The following SPON1 variants were observed in gnomAD, a reference collection of about 807,000 sequenced individuals.
The protein encoded by SPON1 is spondin-1.
A neutral mutation model predicts 111.7 loss-of-function variants in SPON1; 52 were observed. The ratio of observed to expected loss-of-function variants is 0.47; its 90% CI spans 0.37 to 0.59. The LOEUF (loss-of-function observed/expected upper bound fraction) is 0.59. SPON1 is among the 20% of genes least tolerant of loss of function. The pLI, the probability that SPON1 is intolerant of heterozygous loss-of-function variation, is 0.00. For synonymous variants in SPON1, 410 were observed against 395.8 expected (o/e 1.04, Z -0.43); for missense variants, 957 against 1,068.5 (o/e 0.90, Z 1.46).
At chr11:14,044,319 C>T (rs1453625678) in intron 3 of SPON1, among the ~76,000 whole-genome samples, 1 of 152,050 alleles carries the variant, frequency 6.6e-6, no homozygotes, top group Non-Finnish European at 1.5e-5. Context: ...GTTAAAGATC[C>T]ATGACATCTT....
In SPON1 at chr11:14,262,868, GA is replaced by G; in HGVS notation, c.2157del (p.Lys719AsnfsTer25). ...GTGCAGCGAAAAAAGTGCCGCATCC[GA>G]AAATGCCTTCGAAATCCATCCATCC... ...ETVQRKKCRI[R>X]KCLRNPSIQK... On this transcript the variant is annotated frameshift_variant, in exon 15 of 16. Transcript: ENST00000576479. LOFTEE classifies it high-confidence loss of function. 1 of 1,613,844 alleles carries G rather than the reference GA, an allele frequency of 6.2e-7. No homozygotes were observed.
At chr11:14,162,076 T>G (rs1554931417) in intron 6 of SPON1, among the ~76,000 whole-genome samples, 1 of 150,476 alleles carries the variant, frequency 6.6e-6, no homozygotes, top group Non-Finnish European at 1.5e-5. Flanking sequence ...GAGAATCACT[T>G]GAACCCGGGA....
At chr11:14,182,562 CT>C (rs1460706028) in intron 6 of SPON1, among the ~76,000 whole-genome samples, 1 of 152,182 alleles carries the variant, frequency 6.6e-6, no homozygotes, top group Non-Finnish European at 1.5e-5. Flanking sequence ...AGAGACCTCC[CT>C]TTTCTGAACT....
chr11:14,007,437 G>C (rs1488429780), intron 2 of SPON1, among the ~76,000 whole-genome samples: 1 of 152,168 alleles, frequency 6.6e-6, no homozygotes, highest in Non-Finnish European at 1.5e-5. Flanking sequence ...GAAAGATGTA[G>C]TCTGGGAGGC....
intron 2 of SPON1, among the ~76,000 whole-genome samples, chr11:14,011,177 A>C (rs1848401990): frequency 6.6e-6 from 1 of 152,162 alleles, no homozygotes; most frequent in Non-Finnish European, 1.5e-5. Context: ...TGTGGGTTTG[A>C]ATTCAGCTAC....
At chr11:14,127,215 A>T (rs887095457) in intron 5 of SPON1, among the ~76,000 whole-genome samples, 1 of 151,952 alleles carries the variant, frequency 6.6e-6, no homozygotes, top group South Asian at 2.1e-4. Context: ...TTACAGATGA[A>T]GAAACTGAGA....
chr11:14,157,628 C>T (rs527976812), intron 6 of SPON1, among the ~76,000 whole-genome samples: 10 of 152,152 alleles, frequency 6.6e-5, no homozygotes, highest in Admixed American at 6.6e-4. Flanking sequence ...GGTTCTATCC[C>T]AATATTCTTT....
At chr11:14,014,252 A>T (rs1490457802) in intron 2 of SPON1, among the ~76,000 whole-genome samples, 4 of 152,174 alleles carry the variant, frequency 2.6e-5, no homozygotes. Context: ...GGTAGCAGGC[A>T]TGGAAGGCCA....
chr11:14,163,707 C>T (rs184896880), intron 6 of SPON1, among the ~76,000 whole-genome samples: 109 of 152,260 alleles, frequency 7.2e-4, no homozygotes, highest in Non-Finnish European at 1.3e-3. Flanking sequence ...ACAAAGGCTT[C>T]AGAAACTTAC....
intron 5 of SPON1, among the ~76,000 whole-genome samples, chr11:14,090,206 A>G (rs1849038903): frequency 1.3e-5 from 2 of 151,730 alleles, no homozygotes; most frequent in Non-Finnish European, 2.9e-5. Context: ...TATGAAAAAA[A>G]AAAAAAAAAA....
At chr11:14,014,249 G>T (rs1215546959) in intron 2 of SPON1, among the ~76,000 whole-genome samples, 2 of 152,146 alleles carry the variant, frequency 1.3e-5, no homozygotes, top group Admixed American at 1.3e-4. Flanking sequence ...GATGGTAGCA[G>T]GCATGGAAGG....
chr11:14,240,692 T>C (rs1199142364), intron 6 of SPON1, among the ~76,000 whole-genome samples: 2 of 151,534 alleles, frequency 1.3e-5, no homozygotes, highest in African/African-American at 4.9e-5. Flanking sequence ...TAAACCAGAA[T>C]TTAACTGTAA....
At chr11:13,995,229 A>T (rs1464428025) in intron 2 of SPON1, among the ~76,000 whole-genome samples, 1 of 152,162 alleles carries the variant, frequency 6.6e-6, no homozygotes, top group Non-Finnish European at 1.5e-5. Flanking sequence ...TAATGAATGC[A>T]CTAATGACCA....
chr11:14,251,872 T>C (rs1554940690), intron 7 of SPON1, among the ~76,000 whole-genome samples: 1 of 152,224 alleles, frequency 6.6e-6, no homozygotes, highest in East Asian at 1.9e-4. Context: ...ATCACTGACC[T>C]ACATGCCAGA....
intron 2 of SPON1, among the ~76,000 whole-genome samples, chr11:14,002,867 A>AT (rs1159137157): frequency 3.3e-5 from 5 of 151,978 alleles, no homozygotes; most frequent in East Asian, 1.9e-4. Context: ...TCTACCTATA[A>AT]TTTTTTTAAA....
intron 2 of SPON1, among the ~76,000 whole-genome samples, chr11:14,001,752 A>G (rs1472668508): frequency 1.3e-5 from 2 of 152,246 alleles, no homozygotes; most frequent in African/African-American, 4.8e-5. Flanking sequence ...AAAAATGAGA[A>G]GAAAGAATGA....
At chr11:13,977,275 TA>T (rs1554909130) in intron 1 of SPON1, among the ~76,000 whole-genome samples, 1 of 152,240 alleles carries the variant, frequency 6.6e-6, no homozygotes, top group East Asian at 1.9e-4. Context: ...CCAAAGAATT[TA>T]GCAGCAAAAT....
intron 2 of SPON1, among the ~76,000 whole-genome samples, chr11:14,007,769 G>C: frequency 6.6e-6 from 1 of 152,144 alleles, no homozygotes. Context: ...ACTGGGGGCT[G>C]GGGACTCCTG....
chr11:13,987,754 T>C (rs1044461308), intron 2 of SPON1, among the ~76,000 whole-genome samples: 5 of 152,230 alleles, frequency 3.3e-5, no homozygotes, highest in African/African-American at 1.2e-4. Context: ...AGGTCCAGTT[T>C]CAGTTTTCTG....
Sources: gnomAD v4.1 joint callset for allele counts (sites outside exome capture counted in the v4.1 genomes callset) on GRCh38, gnomAD v4.1.1 for gene constraint, MANE v1.5 for transcripts, NCBI Gene and HGNC (gene_info 2026-07-23, HGNC 2026-07-21) for gene names.